XPO4: variants seen among roughly 807,000 people sequenced by gnomAD.
The protein encoded by XPO4 is exportin 4, also known as exportin-4.
In XPO4, 39 loss-of-function variants were observed where a neutral mutation model predicts 143.0. The ratio of observed to expected loss-of-function variants is 0.27; its 90% CI spans 0.21 to 0.36. The LOEUF is 0.36. XPO4 is among the 10% of genes least tolerant of loss of function. XPO4 has a pLI of 1.00. For synonymous variants in XPO4, 439 were observed against 474.0 expected, an observed-to-expected ratio of 0.93 and a Z score of 0.96; for missense variants, 907 against 1,348.0, an observed-to-expected ratio of 0.67 and a Z score of 5.12.
At chr13:20,855,363 G>A (rs1284456223) in intron 4 of XPO4, among the ~76,000 whole-genome samples, 1 of 151,294 alleles carries the variant, frequency 6.6e-6, no homozygotes, top group Non-Finnish European at 1.5e-5. Context: ...GCTGAGGCAA[G>A]AGAATTGCTT....
chr13:20,827,576 C>A (rs2059799909), intron 6 of XPO4, among the ~76,000 whole-genome samples: 1 of 152,218 alleles, frequency 6.6e-6, no homozygotes, highest in South Asian at 2.1e-4. Context: ...ATTAACACCA[C>A]ATATACAAAA....
intron 1 of XPO4, among the ~76,000 whole-genome samples, chr13:20,901,688 T>G (rs1432061455): frequency 6.6e-6 from 1 of 152,172 alleles, no homozygotes; most frequent in Non-Finnish European, 1.5e-5. Context: ...GTTCGAATAT[T>G]CTCAAATGTG....
intron 6 of XPO4, among the ~76,000 whole-genome samples, chr13:20,836,622 A>G (rs2059919771): frequency 6.6e-6 from 1 of 152,190 alleles, no homozygotes; most frequent in African/African-American, 2.4e-5. Flanking sequence ...GACCTGTGTG[A>G]AGTGGGTTTC....
chr13:20,796,423 T>C (rs142621500), intron 17 of XPO4, among the ~76,000 whole-genome samples, 167 bp from the exon 18 acceptor site: 1 of 150,950 alleles, frequency 6.6e-6, no homozygotes, highest in Middle Eastern at 3.4e-3. Context: ...TAAGAGTATA[T>C]TTTTTTTAAT....
chr13:20,878,374 T>C (rs1269996361), intron 1 of XPO4, among the ~76,000 whole-genome samples: 1 of 151,550 alleles, frequency 6.6e-6, no homozygotes, highest in Admixed American at 6.6e-5. Context: ...CCCACATACA[T>C]ACAAAGGCCA....
chr13:20,879,718 C>T (rs1464993724), intron 1 of XPO4, among the ~76,000 whole-genome samples: 1 of 152,020 alleles, frequency 6.6e-6, no homozygotes, highest in Non-Finnish European at 1.5e-5. Flanking sequence ...AAAAAGGAGA[C>T]TTCACCAAAA....
intron 4 of XPO4, among the ~76,000 whole-genome samples, chr13:20,847,981 T>C (rs988975605): frequency 2.0e-5 from 3 of 152,218 alleles, no homozygotes; most frequent in Non-Finnish European, 4.4e-5. Flanking sequence ...ATGGCAATTA[T>C]ATGATATTAT....
At chr13:20,814,607 C>T (rs1368570344) in intron 9 of XPO4, among the ~76,000 whole-genome samples, 1 of 152,236 alleles carries the variant, frequency 6.6e-6, no homozygotes, top group African/African-American at 2.4e-5. Flanking sequence ...ATACCCTGGC[C>T]CTGCTCCATG....
At position 20,843,061 on chromosome 13, in the gene XPO4, A is replaced by T. The variant is rs200160422; in HGVS notation, c.574-13T>A. On this transcript the variant is annotated splice_polypyrimidine_tract_variant and intron_variant, in intron 5 of 22. Coordinates refer to ENST00000255305, the MANE Select transcript of XPO4 (RefSeq NM_022459.5). ...GAAGGTCTTCTTCCTATAGTCAATA[A>T]ATCACAAATATTTTATATGAAAAAT... The T allele has an allele frequency of 6.3e-7, 1 of 1,584,290 alleles. No homozygotes were observed. Among genetic ancestry groups the T allele is most frequent in the East Asian group, 2.3e-5 (1 of 43,848 alleles).
At chr13:20,871,510 G>C (rs2060298584) in intron 1 of XPO4, among the ~76,000 whole-genome samples, 1 of 152,122 alleles carries the variant, frequency 6.6e-6, no homozygotes, top group African/African-American at 2.4e-5. Context: ...GTAGAGGGTA[G>C]ACACCATGGC....
At chr13:20,850,013 T>C in intron 4 of XPO4, 1 of 680,766 alleles carries the variant, frequency 1.5e-6, no homozygotes, top group Non-Finnish European at 1.8e-6. Flanking sequence ...GGCTGAGGCA[T>C]GAGAATCGCT....
chr13:20,811,554 C>T (rs537047635), intron 9 of XPO4, among the ~76,000 whole-genome samples: 2 of 152,222 alleles, frequency 1.3e-5, no homozygotes, highest in African/African-American at 4.8e-5. Context: ...TCCCAAAGTG[C>T]TGGGATTACA....
In XPO4 at chr13:20,778,642, T is replaced by G. The variant is rs2059107469; in HGVS notation, c.*5080A>C. On this transcript the variant is annotated 3_prime_UTR_variant, in exon 23 of 23. Coordinates refer to ENST00000255305, the MANE Select transcript of XPO4 (RefSeq NM_022459.5). ...AATATAGACAAAATTTTTATATTTC[T>G]AATACTGGATATTCTGTGAGTACCA... The G allele has an allele frequency of 6.6e-6, 1 of 152,242 alleles. No individual in the cohort carries two copies. The highest frequency in any genetic ancestry group is 2.1e-4 in the South Asian group (1 of 4,838). 9.4% of individuals were successfully genotyped at this position (152,242 alleles called of 1,614,324 possible). A position where few individuals can be genotyped will look rare whatever the true frequency, so the allele number is the denominator to read the frequency against.
chr13:20,843,640 C>G (rs1432601977), intron 5 of XPO4, 130 bp downstream of exon 5: 3 of 662,500 alleles, frequency 4.5e-6, no homozygotes, highest in East Asian at 5.5e-5. Flanking sequence ...CCTTTGAAAT[C>G]ACAAAACAAA....
chr13:20,846,598 A>G (rs544486912), intron 4 of XPO4, among the ~76,000 whole-genome samples: 1 of 152,326 alleles, frequency 6.6e-6, no homozygotes, highest in South Asian at 2.1e-4. Context: ...AGCCCCCTGA[A>G]CACGTAAGAA....
At chr13:20,857,265 CAT>C (rs1331503798) in intron 3 of XPO4, among the ~76,000 whole-genome samples, 1 of 152,114 alleles carries the variant, frequency 6.6e-6, no homozygotes, top group Non-Finnish European at 1.5e-5. Flanking sequence ...TGTACACAAA[CAT>C]AGTTTTAAAT....
At chr13:20,808,290 C>T in intron 12 of XPO4, 146 bp downstream of exon 12, 2 of 784,938 alleles carry the variant, frequency 2.5e-6, no homozygotes, top group Non-Finnish European at 3.6e-6. Context: ...TTTAAAAATG[C>T]ATCCATAGTT....
At chr13:20,863,419 G>T (rs955330989) in intron 2 of XPO4, among the ~76,000 whole-genome samples, 1 of 152,104 alleles carries the variant, frequency 6.6e-6, no homozygotes, top group Non-Finnish European at 1.5e-5. Flanking sequence ...TTTACACAAG[G>T]TGAGAAGTGC....
intron 6 of XPO4, among the ~76,000 whole-genome samples, chr13:20,842,047 T>C (rs994253066): frequency 2.7e-4 from 41 of 152,194 alleles, no homozygotes; most frequent in African/African-American, 9.7e-4. Flanking sequence ...GCTCAATAAA[T>C]AGTAACTAAC....
Sources: allele counts gnomAD v4.1 joint callset (sites outside exome capture counted in the v4.1 genomes callset), GRCh38; gene constraint gnomAD v4.1.1; transcripts MANE v1.5; gene names NCBI Gene and HGNC (gene_info 2026-07-23, HGNC 2026-07-21).